JAK1: variants seen among roughly 807,000 people sequenced by gnomAD.
JAK1 encodes the protein tyrosine-protein kinase JAK1.
Under a neutral mutation model 136.6 loss-of-function variants are expected in JAK1, and 16 were observed. The ratio of observed to expected loss-of-function variants is 0.12; its 90% confidence interval spans 0.08 to 0.18. The LOEUF is 0.18. Among genes scored for constraint, JAK1 ranks in the 10% least tolerant of loss-of-function variants. The pLI is 1.00. For missense variants in JAK1, 859 were observed against 1,450.1 expected (o/e 0.59, Z 6.62); for synonymous variants, 492 against 519.5 (o/e 0.95, Z 0.72).
chr1:64,974,941 C>T (rs911916600), intron 2 of JAK1, among the ~76,000 whole-genome samples: 4 of 151,880 alleles, frequency 2.6e-5, no homozygotes, highest in Non-Finnish European at 4.4e-5. Flanking sequence ...TGGAGTTTCA[C>T]CCTTATTGCC....
chr1:64,838,688 C>T (rs1654648687), intron 20 of JAK1, 99 bp from the exon 21 acceptor site: 14 of 1,167,444 alleles, frequency 1.2e-5, no homozygotes, highest in Non-Finnish European at 1.6e-5. Context: ...TGAGGTGACG[C>T]CAGCTTCGCC....
Position 64,950,928 on chromosome 1 carries a change from C to G in JAK1, c.-78+15405G>C, listed in dbSNP as rs144212002. Among the ~76,000 whole-genome samples, 605 of 152,266 alleles carry G rather than the reference C, an allele frequency of 4.0e-3. 6 individuals carry two copies. Among genetic ancestry groups the G allele is most frequent in the African/African-American group, 0.012 (482 of 41,552 alleles). On this transcript the variant is annotated intron_variant, in intron 1 of 24. Transcript: ENST00000342505. ...TAAACACTCTGATTCCTTTATTTCT[C>G]CACTGTAAAATCAGAAGGAGGTATT...
At chr1:65,030,426 A>G (rs1647012507) in intron 2 of JAK1, among the ~76,000 whole-genome samples, 1 of 152,206 alleles carries the variant, frequency 6.6e-6, no homozygotes, top group Non-Finnish European at 1.5e-5. Context: ...TAAAAAGCCA[A>G]TTAATAAATG....
chr1:64,837,963 C>T lies in JAK1; in HGVS notation c.3109G>A (p.Val1037Ile), dbSNP rs1654595481. 3.1e-6 allele frequency: 5 copies of T among 1,613,844 alleles called. No homozygotes were observed. Among genetic ancestry groups the T allele is most frequent in the Non-Finnish European group, 3.4e-6 (4 of 1,179,836 alleles). Residue 1037 changes from valine to isoleucine, a missense_variant, in exon 22 of 25, where the codon GTC (valine) becomes ATC (isoleucine). Val to Ile is a conservative substitution (Grantham distance 29). Around this residue, in one of 4 missense-constraint regions of JAK1, gnomAD observed 44 missense variants for 137.6 expected, o/e 0.32. Coordinates refer to ENST00000342505, the MANE Select transcript of JAK1 (RefSeq NM_002227.4). ...AIETDKEYYT[V>I]KDDRDSPVFW... ...ACAGGGCTGTCCCGGTCATCCTTGA[C>T]GGTGTAATACTCCTTATCGGTTTCA...
In JAK1 at chr1:64,855,532, C is replaced by T. The variant is rs2101049859; in HGVS notation, c.1625G>A (p.Arg542His). The change falls in exon 11 of 25, where the codon CGC becomes CAC. Residue 542 changes from arginine (R) to histidine (H), a missense_variant. Arg to His is a conservative substitution (Grantham distance 29). Around this residue, in one of 4 missense-constraint regions of JAK1, gnomAD observed 409 missense variants for 753.8 expected, o/e 0.54. Transcript: ENST00000342505. ...RTDNISFMLK[R>H]CCQPKPREIS... ...ACCTCGGGGCTTGGGCTGGCAGCAGCGTTTTAGCATGAAGCTGATGTTATC... is the reference window on the plus strand; with the variant it reads ...ACCTCGGGGCTTGGGCTGGCAGCAGTGTTTTAGCATGAAGCTGATGTTATC... The T allele has an allele frequency of 6.2e-7, 1 of 1,614,024 alleles. No homozygotes were observed. The highest frequency in any genetic ancestry group is 8.5e-7 in the Non-Finnish European group (1 of 1,179,968).
chr1:64,980,735 C>G lies in JAK1; in HGVS notation c.-78+63745G>C, dbSNP rs532408472. Among the ~76,000 whole-genome samples, 75 of 152,134 alleles carry G rather than the reference C, an allele frequency of 4.9e-4. 1 individual carries two copies. The highest frequency in any genetic ancestry group is 6.8e-3 in the Middle Eastern group (2 of 294). Reference sequence around the variant, plus strand: ...CTATCCCACCCTCCTCCCCCTACCCCACGACAGGCCCTGGTGTGTGATGTT... The same window carrying G: ...CTATCCCACCCTCCTCCCCCTACCCGACGACAGGCCCTGGTGTGTGATGTT... On this transcript the variant is annotated intron_variant, in intron 2 of 25. Transcript: ENST00000671954.
At chr1:64,860,861 T>TGTGTGTGTGTGTG (rs58016723) in intron 8 of JAK1, among the ~76,000 whole-genome samples, 23 of 132,310 alleles carry the variant, frequency 1.7e-4, no homozygotes, top group Admixed American at 5.3e-4. Flanking sequence ...TGTGTGTGTG[T>TGTGTGTGTGTGTG]TGGGGGTGAC....
At chr1:64,870,517 T>C (rs1657011469) in intron 5 of JAK1, among the ~76,000 whole-genome samples, 1 of 152,072 alleles carries the variant, frequency 6.6e-6, no homozygotes, top group Admixed American at 6.5e-5. Context: ...GCCCAGGGCT[T>C]AGCAAGTGGT....
intron 2 of JAK1, among the ~76,000 whole-genome samples, chr1:65,024,327 T>C (rs1646960063): frequency 6.6e-6 from 1 of 152,078 alleles, no homozygotes; most frequent in Non-Finnish European, 1.5e-5. Context: ...CTCATTGTGG[T>C]TTTGATTTGC....
In JAK1 at chr1:65,058,216, T is replaced by C. The variant is rs1024248856; in HGVS notation, c.-181+9388A>G. ...CTCCTAAAGGTTCCAAAGATCTTAA[T>C]ATATGTTCACTCAGCACAACATGGC... On this transcript the variant is annotated intron_variant, in intron 1 of 25. Coordinates refer to the JAK1 transcript ENST00000671954. 2.0e-5 allele frequency among the ~76,000 whole-genome samples: 3 copies of C among 152,206 alleles called. No individual in the cohort carries two copies. In the East Asian group the frequency reaches 5.8e-4, roughly 29 times the overall value.
At chr1:64,877,033 C>T (rs533340381) in intron 4 of JAK1, among the ~76,000 whole-genome samples, 86 of 152,242 alleles carry the variant, frequency 5.6e-4, no homozygotes, top group Admixed American at 2.4e-3. Context: ...ATATGGTTGT[C>T]TTATGCTAAG....
At chr1:65,038,198 CTT>C (rs113538392) in intron 2 of JAK1, among the ~76,000 whole-genome samples, 64 of 133,230 alleles carry the variant, frequency 4.8e-4, no homozygotes, top group African/African-American at 1.1e-3. Flanking sequence ...TTTTTCTTTT[CTT>C]TTTTTTTTTT....
chr1:64,893,144 AAAAAAT>A (rs1644964572), intron 1 of JAK1, among the ~76,000 whole-genome samples: 1 of 152,174 alleles, frequency 6.6e-6, no homozygotes, highest in Non-Finnish European at 1.5e-5. Flanking sequence ...TGTTCTTTAA[AAAAAAT>A]AAAAATAAAG....
chr1:65,047,873 GA>G (rs1647202177), intron 1 of JAK1, among the ~76,000 whole-genome samples: 1 of 152,140 alleles, frequency 6.6e-6, no homozygotes, highest in South Asian at 2.1e-4. Context: ...AAGGGACAGG[GA>G]GGGGGATGTG....
chr1:65,063,779 T>C (rs1488807620), intron 1 of JAK1, among the ~76,000 whole-genome samples: 1 of 128,802 alleles, frequency 7.8e-6, no homozygotes, highest in Non-Finnish European at 1.5e-5. Context: ...CACTCCAGCC[T>C]GGAAGACAGA....
At chr1:64,883,973 C>G (rs1323439097) in intron 2 of JAK1, among the ~76,000 whole-genome samples, 2 of 152,136 alleles carry the variant, frequency 1.3e-5, no homozygotes, top group African/African-American at 4.8e-5. Context: ...ATGGTGAGGG[C>G]ATGAACCGTA....
chr1:65,041,203 G>A (rs924706887), intron 2 of JAK1, among the ~76,000 whole-genome samples: 15 of 152,152 alleles, frequency 9.9e-5, no homozygotes, highest in African/African-American at 1.7e-4. Context: ...CCTTATTACC[G>A]TGGCGAGGAG....
chr1:65,047,030 G>GA (rs1033550922), intron 1 of JAK1, among the ~76,000 whole-genome samples: 170 of 147,464 alleles, frequency 1.2e-3, no homozygotes, highest in African/African-American at 3.8e-3. Context: ...ATCGCTATAG[G>GA]AAAAAAAAAA....
At chr1:65,011,928 G>A (rs558750299) in intron 2 of JAK1, among the ~76,000 whole-genome samples, 1 of 152,318 alleles carries the variant, frequency 6.6e-6, no homozygotes, top group South Asian at 2.1e-4. Flanking sequence ...GAAGGAAATC[G>A]CTAGTTAAGG....
Sources: allele counts gnomAD v4.1 joint callset (sites outside exome capture counted in the v4.1 genomes callset), GRCh38; gene constraint gnomAD v4.1.1; regional missense constraint gnomAD v4.1.1; transcripts MANE v1.5; gene names NCBI Gene and HGNC (gene_info 2026-07-23, HGNC 2026-07-21).